Variants in CAMK2B observed in about 807,000 individuals in gnomAD.
CAMK2B encodes the protein calcium/calmodulin dependent protein kinase II beta.
In CAMK2B, 27 loss-of-function variants were observed where a neutral mutation model predicts 93.7. The ratio of observed to expected loss-of-function variants is 0.29; its 90% CI spans 0.21 to 0.40. The LOEUF (loss-of-function observed/expected upper bound fraction) is 0.40, where lower values mean the gene tolerates loss of function less well. CAMK2B is among the 10% of genes least tolerant of loss of function. The pLI, the probability that CAMK2B is intolerant of heterozygous loss-of-function variation, is 1.00. For synonymous variants in CAMK2B, 374 were observed against 358.8 expected, an observed-to-expected ratio of 1.04 and a Z score of -0.48; for missense variants, 568 against 895.8, an observed-to-expected ratio of 0.63 and a Z score of 4.67.
At chr7:44,263,707 A>G (rs1381035593) in intron 2 of CAMK2B, among the ~76,000 whole-genome samples, 2 of 152,204 alleles carry the variant, frequency 1.3e-5, no homozygotes, top group East Asian at 3.9e-4. Flanking sequence ...GGAGCAACTT[A>G]TCTGCCAGAA....
At chr7:44,303,833 A>T (rs571055715) in intron 1 of CAMK2B, among the ~76,000 whole-genome samples, 1 of 152,208 alleles carries the variant, frequency 6.6e-6, no homozygotes, top group African/African-American at 2.4e-5. Context: ...CTTGGAGAAA[A>T]TATCTACAAA....
intron 2 of CAMK2B, among the ~76,000 whole-genome samples, chr7:44,275,441 C>T (rs1028191500): frequency 6.6e-6 from 1 of 152,238 alleles, no homozygotes; most frequent in African/African-American, 2.4e-5. Context: ...TCTTCAGGGC[C>T]GCTTTCTAGA....
chr7:44,239,534 T>A, intron 13 of CAMK2B, 55 bp downstream of exon 13: 1 of 1,459,006 alleles, frequency 6.9e-7, no homozygotes, highest in South Asian at 1.2e-5. Context: ...GGGGGCTGCA[T>A]GCTGGCAGGA....
intron 13 of CAMK2B, among the ~76,000 whole-genome samples, chr7:44,235,527 G>T (rs1417423225): frequency 6.6e-6 from 1 of 152,264 alleles, no homozygotes; most frequent in African/African-American, 2.4e-5. Flanking sequence ...AAAAGAGGAA[G>T]TCAGCTTACC....
intron 1 of CAMK2B, among the ~76,000 whole-genome samples, chr7:44,309,714 C>T (rs1488400617): frequency 1.3e-5 from 2 of 152,212 alleles, no homozygotes; most frequent in Non-Finnish European, 2.9e-5. Context: ...GGGGACCAGT[C>T]AGTCCCTCAC....
At position 44,243,281 on chromosome 7, in the gene CAMK2B, C is replaced by G; in HGVS notation, c.570G>C (p.Ala190=). The change falls in exon 8 of 24, where the codon GCG becomes GCC. Residue 190 remains alanine (A), a synonymous_variant. Transcript: ENST00000395749. ...CCCAGATGTCCACAGGCTTGCCATA[C>G]GCCTCTTTGCGAAGGACCTCAGGGG... ...YLSPEVLRKE[A]YGKPVDIWAC... 6.2e-7 allele frequency: 1 copy of G among 1,613,966 alleles called. No homozygotes were observed.
intron 1 of CAMK2B, among the ~76,000 whole-genome samples, chr7:44,287,249 C>T (rs1226018096): frequency 6.6e-6 from 1 of 152,122 alleles, no homozygotes; most frequent in Non-Finnish European, 1.5e-5. Flanking sequence ...GTCATCGCCG[C>T]CCCCCAATTT....
At chr7:44,243,595 G>A in intron 6 of CAMK2B, 68 bp from the exon 7 acceptor site, 4 of 1,290,684 alleles carry the variant, frequency 3.1e-6, no homozygotes, top group Middle Eastern at 2.2e-4. Context: ...GGGGTTGGGT[G>A]GGGGGTTACA....
chr7:44,325,304 G>T, intron 1 of CAMK2B, 53 bp downstream of exon 1: 2 of 1,066,134 alleles, frequency 1.9e-6, no homozygotes, highest in Non-Finnish European at 2.3e-6. Context: ...GGGTCCCGGA[G>T]GTCCCGGCCC....
At chr7:44,244,408 C>A (rs899816730) in intron 6 of CAMK2B, among the ~76,000 whole-genome samples, 1 of 152,146 alleles carries the variant, frequency 6.6e-6, no homozygotes, top group African/African-American at 2.4e-5. Flanking sequence ...GGGCTCTGGC[C>A]TACCCATCAG....
chr7:44,242,481 C>A (rs1393572652), intron 9 of CAMK2B, 79 bp downstream of exon 9: 37 of 1,509,396 alleles, frequency 2.5e-5, no homozygotes, highest in Non-Finnish European at 3.3e-5. Context: ...TCACCCCACT[C>A]CTAGCCTCTT....
chr7:44,291,827 A>T (rs1195938338), intron 1 of CAMK2B, among the ~76,000 whole-genome samples: 1 of 152,230 alleles, frequency 6.6e-6, no homozygotes, highest in Non-Finnish European at 1.5e-5. Context: ...TCACGTCAGC[A>T]GCAATGGAAA....
At chr7:44,287,921 A>G (rs1290344097) in intron 1 of CAMK2B, among the ~76,000 whole-genome samples, 1 of 152,256 alleles carries the variant, frequency 6.6e-6, no homozygotes, top group Non-Finnish European at 1.5e-5. Flanking sequence ...CTCTATGGGC[A>G]GAGTGCCCTA....
intron 1 of CAMK2B, among the ~76,000 whole-genome samples, chr7:44,322,282 G>T (rs1796303717): frequency 6.6e-6 from 1 of 152,188 alleles, no homozygotes; most frequent in Non-Finnish European, 1.5e-5. Context: ...ATTAGTTATG[G>T]ATACTTATAT....
intron 2 of CAMK2B, among the ~76,000 whole-genome samples, chr7:44,273,502 G>A (rs992404484): frequency 6.6e-6 from 1 of 151,322 alleles, no homozygotes; most frequent in Non-Finnish European, 1.5e-5. Flanking sequence ...ACAGTGACAG[G>A]AGGGGCTTGC....
At chr7:44,227,967 A>G in intron 19 of CAMK2B, among the ~76,000 whole-genome samples, 1 of 94,374 alleles carries the variant, frequency 1.1e-5, no homozygotes, top group Non-Finnish European at 2.2e-5. Flanking sequence ...ACGGAGGGAG[A>G]CAGGGGGACA....
At chr7:44,269,337 C>A (rs1386177602) in intron 2 of CAMK2B, among the ~76,000 whole-genome samples, 8 of 152,232 alleles carry the variant, frequency 5.3e-5, no homozygotes, top group Non-Finnish European at 1.2e-4. Context: ...CCAGTGCCCC[C>A]CGCGGGGGAA....
chr7:44,233,681 A>G (rs763172023), intron 15 of CAMK2B, among the ~76,000 whole-genome samples: 15 of 152,132 alleles, frequency 9.9e-5, no homozygotes, highest in Non-Finnish European at 2.1e-4. Context: ...GTACTGCTAT[A>G]GGGTTCACCT....
chr7:44,275,506 AAC>A, intron 2 of CAMK2B, among the ~76,000 whole-genome samples: 1 of 152,378 alleles, frequency 6.6e-6, no homozygotes, highest in East Asian at 1.9e-4. Flanking sequence ...CCTGTCTCTT[AAC>A]AGTCTGGCTG....
Sources: allele counts gnomAD v4.1 joint callset (sites outside exome capture counted in the v4.1 genomes callset), GRCh38; gene constraint gnomAD v4.1.1; transcripts MANE v1.5; gene names NCBI Gene and HGNC (gene_info 2026-07-23, HGNC 2026-07-21).